Variants in SCIN observed in about 807,000 individuals in gnomAD.
The protein encoded by SCIN is adseverin.
Under a neutral mutation model 91.8 loss-of-function variants are expected in SCIN, and 91 were observed. The ratio of observed to expected loss-of-function variants is 0.99; its 90% CI spans 0.84 to 1.18. SCIN has a LOEUF of 1.18. SCIN is among the 50% of genes most tolerant of loss of function. The probability of loss-of-function intolerance (pLI) is 0.00; values close to 1 mark genes in which losing one functional copy is unlikely to be tolerated. For missense variants in SCIN, 1,087 were observed against 863.9 expected (o/e 1.26, Z -3.24); for synonymous variants, 367 against 312.6 (o/e 1.17, Z -1.84).
chr7:12,635,919 G>A (rs2115287129), intron 9 of SCIN, 126 bp from the exon 10 acceptor site: 1 of 693,320 alleles, frequency 1.4e-6, no homozygotes, highest in Non-Finnish European at 2.5e-6. Context: ...TTAACAGCTT[G>A]TATCATGTTA....
At chr7:12,586,847 C>A (rs965133163) in intron 3 of SCIN, among the ~76,000 whole-genome samples, 2 of 152,092 alleles carry the variant, frequency 1.3e-5, no homozygotes, top group Non-Finnish European at 2.9e-5. Context: ...AATACTTCAT[C>A]TTCTCACTCA....
rs764186023 is a variant in SCIN, at chr7:12,629,148, A to G, written c.1245A>G (p.Ser415=). 8 of 1,613,046 alleles carry G rather than the reference A, an allele frequency of 5.0e-6. No homozygotes were observed. Among genetic ancestry groups the G allele is most frequent in the Admixed American group, 1.7e-5 (1 of 59,974 alleles). ...NNGRIQVDQN[S]YGEFYGGDCY... ...GTAGGATCCAAGTTGACCAAAACTC[A>G]TATGGTGAATTCTATGGTGGTGACT... Residue 415 remains serine (S), a synonymous_variant, in exon 9 of 16, where the codon TCA becomes TCG. Transcript: ENST00000297029.
At position 12,625,914 on chromosome 7, in the gene SCIN, G is replaced by A. The variant is rs965535543; in HGVS notation, c.981+64G>A. 13 of 1,184,582 alleles carry A rather than the reference G, an allele frequency of 1.1e-5. No homozygotes were observed. The Middle Eastern group carries it at 5.9e-4, about 54-fold the overall frequency. The allele number at this position is 1,184,582 out of a possible 1,614,324, so 73.4% of individuals were successfully genotyped here. A position where few individuals can be genotyped will look rare whatever the true frequency, so the allele number is the denominator to read the frequency against. On this transcript the variant is annotated intron_variant, in intron 7 of 15. Transcript: ENST00000297029. ...ACATTGGAGCTCATGACATCTCCAC[G>A]AAACTCATGAAAAAGTTTGGGTCAA...
At chr7:12,646,031 T>C (rs567547403) in intron 13 of SCIN, among the ~76,000 whole-genome samples, 2 of 152,198 alleles carry the variant, frequency 1.3e-5, no homozygotes, top group Admixed American at 1.3e-4. Context: ...ATTGACTGAA[T>C]TAAAAATATT....
In SCIN at chr7:12,656,968, A is replaced by G. The variant is rs567105787; in HGVS notation, c.*4253A>G. 2.6e-5 allele frequency: 4 copies of G among 152,020 alleles called. No homozygotes were observed. In the East Asian group the frequency reaches 7.8e-4, roughly 30 times the overall value. 9.4% of individuals were successfully genotyped at this position (152,020 alleles called of 1,614,324 possible). A position where few individuals can be genotyped will look rare whatever the true frequency, so the allele number is the denominator to read the frequency against. On this transcript the variant is annotated 3_prime_UTR_variant, in exon 16 of 16. Coordinates refer to ENST00000297029, the MANE Select transcript of SCIN (RefSeq NM_001112706.3). ...AAAAAGTGGCTCAACTTTAATATTC[A>G]TTAGGAAATGACTAAAATCAAATAT...
intron 11 of SCIN, among the ~76,000 whole-genome samples, chr7:12,641,682 C>T (rs1434858857): frequency 1.3e-5 from 2 of 152,158 alleles, no homozygotes; most frequent in Non-Finnish European, 2.9e-5. Context: ...TTTCAGTCAT[C>T]TAATCTCTGA....
In SCIN at chr7:12,651,029, C is replaced by A. The variant is rs1040395381; in HGVS notation, c.1960-812C>A. 1.1e-4 allele frequency among the ~76,000 whole-genome samples: 17 copies of A among 152,064 alleles called. No homozygotes were observed. Among genetic ancestry groups the A allele is most frequent in the Non-Finnish European group, 2.5e-4 (17 of 68,042 alleles). The stretch of plus-strand genomic sequence containing the variant: ...CACATAAAAATCAGTTGATAAAGGG[C>A]AGATTAATAGGAGAAAAGGCATACA... On this transcript the variant is annotated intron_variant, in intron 14 of 15. Transcript: ENST00000297029. This position sits in a 1 kb window ranked among gnomAD's most constrained non-coding sequence, Gnocchi z 5.9.
chr7:12,623,920 T>C (rs1479656089), intron 5 of SCIN, among the ~76,000 whole-genome samples: 1 of 152,216 alleles, frequency 6.6e-6, no homozygotes, highest in Non-Finnish European at 1.5e-5. Flanking sequence ...CTAAATATTT[T>C]GTGACTGCTT....
At chr7:12,611,725 G>T (rs1783195269) in intron 4 of SCIN, among the ~76,000 whole-genome samples, 1 of 152,098 alleles carries the variant, frequency 6.6e-6, no homozygotes, top group Admixed American at 6.6e-5. Flanking sequence ...ATTTTTGAAA[G>T]AGTCTAAGGC....
chr7:12,633,167 T>G (rs1242001799), intron 9 of SCIN, among the ~76,000 whole-genome samples: 1 of 152,028 alleles, frequency 6.6e-6, no homozygotes, highest in Non-Finnish European at 1.5e-5. Flanking sequence ...GAGTTAAAGG[T>G]GAGAAACTAG....
intron 4 of SCIN, 111 bp downstream of exon 4, chr7:12,604,774 T>G: frequency 1.3e-5 from 10 of 782,644 alleles, no homozygotes; most frequent in Non-Finnish European, 1.8e-5. Flanking sequence ...GGAAAGAGAT[T>G]CAACACATGT....
rs35120183 is a variant in SCIN at position 12,608,321 on chromosome 7, GCACACA to G, written c.666+3681_666+3686del. ...CAGTCTATACTATGCATGCACACAT[GCACACA>G]CACACACACACACACACACACAGAG... On this transcript the variant is annotated intron_variant, in intron 4 of 15. Coordinates refer to ENST00000297029, the MANE Select transcript of SCIN (RefSeq NM_001112706.3). 2.1e-3 allele frequency among the ~76,000 whole-genome samples: 315 copies of G among 148,782 alleles called. 4 individuals carry two copies. The highest frequency in any genetic ancestry group is 7.3e-3 in the African/African-American group (295 of 40,378).
At chr7:12,586,471 ATACGCTGTG>A (rs1422513905) in intron 3 of SCIN, among the ~76,000 whole-genome samples, 1 of 152,184 alleles carries the variant, frequency 6.6e-6, no homozygotes, top group African/African-American at 2.4e-5. Flanking sequence ...GGGAACTCTT[ATACGCTGTG>A]GTAATGTAAA....
In SCIN at chr7:12,657,211, A is replaced by ATTTTTTTT. The variant is rs57131728; in HGVS notation, c.*4514_*4521dup. ...TGTGTGTACTAAAGGATATAATATG[A>ATTTTTTTT]TTTTTTTTTTTTTTTTTTTTTTTTT... On this transcript the variant is annotated 3_prime_UTR_variant, in exon 16 of 16. Transcript: ENST00000297029. 12 of 82,556 alleles carry ATTTTTTTT rather than the reference A, an allele frequency of 1.5e-4. No homozygotes were observed. The highest frequency in any genetic ancestry group is 2.1e-4 in the Non-Finnish European group (9 of 43,586). The allele number at this position is 82,556 out of a possible 1,614,324, so 5.1% of individuals were successfully genotyped here.
chr7:12,595,336 G>T (rs1782818177), intron 3 of SCIN, among the ~76,000 whole-genome samples: 1 of 152,144 alleles, frequency 6.6e-6, no homozygotes, highest in Non-Finnish European at 1.5e-5. Context: ...CGTAACTTAG[G>T]TTTATCCACG....
chr7:12,621,602 G>GT (rs1191801253), intron 4 of SCIN, among the ~76,000 whole-genome samples: 6 of 126,512 alleles, frequency 4.7e-5, no homozygotes, highest in East Asian at 4.8e-4. Flanking sequence ...TAGCAAAAGT[G>GT]TTTTTTTAAA....
Position 12,651,932 on chromosome 7 carries a change from T to A in SCIN, c.2020+31T>A. On this transcript the variant is annotated intron_variant, in intron 15 of 15. Transcript: ENST00000297029. The surrounding 1 kb of genome is among the most constrained non-coding windows in gnomAD (Gnocchi z 5.9). Reference sequence around the variant, plus strand: ...CTCAATCGATGGACCATTATAGCAGTAACCGGGCACCATTATGACCGAGTG... The same window carrying A: ...CTCAATCGATGGACCATTATAGCAGAAACCGGGCACCATTATGACCGAGTG... 6.7e-7 allele frequency: 1 copy of A among 1,484,864 alleles called. No homozygotes were observed. Among genetic ancestry groups the A allele is most frequent in the Non-Finnish European group, 9.3e-7 (1 of 1,072,292 alleles). 92.0% of individuals were successfully genotyped at this position (1,484,864 alleles called of 1,614,324 possible).
intron 4 of SCIN, among the ~76,000 whole-genome samples, chr7:12,616,136 G>A (rs916594183): frequency 6.6e-6 from 1 of 151,926 alleles, no homozygotes; most frequent in Non-Finnish European, 1.5e-5. Flanking sequence ...AGTACCAGAG[G>A]GTAATCTTTT....
chr7:12,616,271 C>G (rs1278132565), intron 4 of SCIN, among the ~76,000 whole-genome samples: 1 of 151,926 alleles, frequency 6.6e-6, no homozygotes, highest in African/African-American at 2.4e-5. Context: ...GGAAATGGGA[C>G]CTAATAAGAG....
Sources: gnomAD v4.1 joint callset for allele counts (sites outside exome capture counted in the v4.1 genomes callset) on GRCh38, gnomAD v4.1.1 for gene constraint, Gnocchi (gnomAD v3.1) non-coding constraint, MANE v1.5 for transcripts, NCBI Gene and HGNC (gene_info 2026-07-23, HGNC 2026-07-21) for gene names.